The following WDR17 variants were observed in gnomAD, a reference collection of about 807,000 sequenced individuals.
The protein encoded by WDR17 is WD repeat-containing protein 17.
A neutral mutation model predicts 161.7 loss-of-function variants in WDR17; 143 were observed. The observed-to-expected ratio is 0.88, with a 90% CI of 0.77 to 1.02. The LOEUF is 1.02. WDR17 is among the 50% of genes least tolerant of loss of function. WDR17 has a pLI of 0.00. For synonymous variants in WDR17, 517 were observed against 515.6 expected (o/e 1.00, Z -0.04); for missense variants, 1,469 against 1,520.9 (o/e 0.97, Z 0.57).
intron 4 of WDR17, among the ~76,000 whole-genome samples, chr4:176,122,913 A>G (rs1392491962): frequency 1.3e-5 from 2 of 152,196 alleles, no homozygotes; most frequent in Non-Finnish European, 2.9e-5. Flanking sequence ...GGCTTCATAG[A>G]TGATCCAGCT....
At position 176,125,227 on chromosome 4, in the gene WDR17, A is replaced by T. The variant is rs1199869594; in HGVS notation, c.662A>T (p.His221Leu). 1 of 1,614,148 alleles carries T rather than the reference A, an allele frequency of 6.2e-7. No individual in the cohort carries two copies. The highest frequency in any genetic ancestry group is 1.1e-5 in the South Asian group (1 of 91,084). Residue 221 changes from histidine (H) to leucine (L), a missense_variant, in exon 5 of 29, where the codon CAT (histidine) becomes CTT (leucine). Physicochemically the swap from His to Leu is moderately conservative, Grantham distance 99. Coordinates refer to ENST00000508596, the MANE Select transcript of WDR17 (RefSeq NM_181265.4). The stretch of plus-strand genomic sequence containing the variant: ...GATTATCTTCTAGTGGTTAATTTGC[A>T]TTATGGAATTCGCCTGGTAGATTCT... ...STDYLLVVNLHYGIRLVDSES... is the reference protein window; with the variant it reads ...STDYLLVVNLLYGIRLVDSES...
intron 1 of WDR17, among the ~76,000 whole-genome samples, chr4:176,111,055 T>G (rs1739649899): frequency 6.6e-6 from 1 of 152,240 alleles, no homozygotes; most frequent in Admixed American, 6.5e-5. Context: ...GATGAAGAGT[T>G]GATGTAAAAA....
At chr4:176,168,607 A>G in intron 22 of WDR17, 65 bp from the exon 23 acceptor site, 1 of 1,591,054 alleles carries the variant, frequency 6.3e-7, no homozygotes, top group Non-Finnish European at 8.6e-7. Context: ...CTTCTTTGAG[A>G]TAGTTATGAA....
chr4:176,121,924 C>T (rs1278822519), intron 4 of WDR17, among the ~76,000 whole-genome samples: 1 of 152,174 alleles, frequency 6.6e-6, no homozygotes, highest in African/African-American at 2.4e-5. Flanking sequence ...AGTTGTTAAA[C>T]CAAGTGAAAC....
intron 1 of WDR17, among the ~76,000 whole-genome samples, chr4:176,099,066 AG>A (rs1215811908): frequency 6.6e-6 from 1 of 152,150 alleles, no homozygotes; most frequent in Non-Finnish European, 1.5e-5. Flanking sequence ...GCATAAATTT[AG>A]AAGTTTATTT....
chr4:176,089,001 A>C (rs932294376), intron 1 of WDR17, among the ~76,000 whole-genome samples: 1 of 152,202 alleles, frequency 6.6e-6, no homozygotes, highest in Non-Finnish European at 1.5e-5. Flanking sequence ...AAATTGCCCA[A>C]GTGAAGTTAG....
rs756705356 is a variant in WDR17, at chr4:176,131,666, G to A, written c.1026G>A (p.Val342=). Residue 342 remains valine, a synonymous_variant, in exon 7 of 29, where the codon GTG becomes GTA. Transcript: ENST00000508596. ...TTTCTCTTCCTCCTGGTCATGCAGT[G>A]TGTTGTTTCTTGGATGGTGGAGTTG... ...QAFSLPPGHA[V]CCFLDGGVGL... The A allele has an allele frequency of 3.7e-6, 6 of 1,613,712 alleles. No homozygotes were observed. In the South Asian group the frequency reaches 6.6e-5, roughly 18 times the overall value.
At chr4:176,132,549 G>A (rs565676445) in intron 7 of WDR17, among the ~76,000 whole-genome samples, 1 of 152,006 alleles carries the variant, frequency 6.6e-6, no homozygotes, top group East Asian at 1.9e-4. Flanking sequence ...ACTGAAGGGA[G>A]AGAAAGAATC....
chr4:176,073,554 G>T (rs1287502520), intron 1 of WDR17, among the ~76,000 whole-genome samples: 4 of 151,334 alleles, frequency 2.6e-5, no homozygotes, highest in Non-Finnish European at 2.9e-5. Context: ...GAATAGTGCC[G>T]CAATAAACAT....
At chr4:176,174,548 C>A in intron 25 of WDR17, 69 bp from the exon 26 acceptor site, 1 of 1,096,842 alleles carries the variant, frequency 9.1e-7, no homozygotes, top group Non-Finnish European at 1.3e-6. Flanking sequence ...AGTACATGAA[C>A]TGTGTATCAG....
rs946218389 is a variant in WDR17 at position 176,149,606 on chromosome 4, T to C, written c.1898-201T>C. ...TTATTCAATTTTATATTCATATTTA[T>C]AGAATATATAAAATAATTTATTGCA... On this transcript the variant is annotated intron_variant, in intron 13 of 28. Transcript: ENST00000508596. Among the ~76,000 whole-genome samples the C allele has an allele frequency of 5.5e-4, 83 of 152,262 alleles. 1 individual carries two copies. The highest frequency in any genetic ancestry group is 1.9e-3 in the African/African-American group (80 of 41,572).
intron 1 of WDR17, among the ~76,000 whole-genome samples, chr4:176,100,042 CAT>C (rs1390145517): frequency 2.6e-5 from 4 of 152,136 alleles, no homozygotes; most frequent in Non-Finnish European, 5.9e-5. Context: ...CTGCAATAAA[CAT>C]ATGAGTGCAG....
intron 7 of WDR17, 41 bp downstream of exon 7, chr4:176,131,779 TTG>T: frequency 7.1e-7 from 1 of 1,412,014 alleles, no homozygotes; most frequent in Non-Finnish European, 9.4e-7. Context: ...TAATAGTTTT[TTG>T]TGTAAACCCA....
At chr4:176,113,421 G>A (rs571463638) in intron 2 of WDR17, among the ~76,000 whole-genome samples, 10 of 152,080 alleles carry the variant, frequency 6.6e-5, no homozygotes, top group African/African-American at 2.4e-4. Context: ...GGTAAAATTA[G>A]TAATATAAAC....
intron 26 of WDR17, among the ~76,000 whole-genome samples, chr4:176,176,574 G>A (rs73871920): frequency 4.6e-5 from 7 of 152,162 alleles, no homozygotes; most frequent in East Asian, 1.9e-4. Flanking sequence ...CAGGCATAGC[G>A]TACTCTTCAA....
intron 2 of WDR17, among the ~76,000 whole-genome samples, chr4:176,114,577 G>T (rs188805217): frequency 3.4e-3 from 516 of 152,104 alleles, no homozygotes; most frequent in Non-Finnish European, 6.0e-3. Flanking sequence ...TACCAGGATT[G>T]CAACTGTGAA....
chr4:176,180,229 T>C lies in WDR17; in HGVS notation c.*650T>C, dbSNP rs1752018671. On this transcript the variant is annotated 3_prime_UTR_variant, in exon 29 of 29. Coordinates refer to ENST00000508596, the MANE Select transcript of WDR17 (RefSeq NM_181265.4). ...TGTCCCATTGTAAAGGTGTAAGTTA[T>C]ATAGGCTTGAAAAAAATTGGCGGGT... is the stretch of plus-strand genomic sequence containing the variant. 1 of 152,138 alleles carries C rather than the reference T, an allele frequency of 6.6e-6. No homozygotes were observed. Among genetic ancestry groups the C allele is most frequent in the South Asian group, 2.1e-4 (1 of 4,828 alleles). 9.4% of individuals were successfully genotyped at this position (152,138 alleles called of 1,614,324 possible). A position where few individuals can be genotyped will look rare whatever the true frequency, so the allele number is the denominator to read the frequency against.
intron 1 of WDR17, among the ~76,000 whole-genome samples, chr4:176,068,025 A>C (rs993117086): frequency 3.3e-5 from 5 of 152,340 alleles, no homozygotes; most frequent in Middle Eastern, 6.8e-3. Context: ...TTTTCATCCT[A>C]TATTCCAGAA....
rs947519784 is a variant in WDR17, at chr4:176,179,740, T to A, written c.*161T>A. ...TGAATTTTAGTCATTAACTTCAAAA[T>A]ATATATATATATATAATTTAAAGGA... On this transcript the variant is annotated 3_prime_UTR_variant, in exon 29 of 29. Coordinates refer to ENST00000508596, the MANE Select transcript of WDR17 (RefSeq NM_181265.4). 54 of 191,226 alleles carry A rather than the reference T, an allele frequency of 2.8e-4. No individual in the cohort carries two copies. The highest frequency in any genetic ancestry group is 4.6e-4 in the Non-Finnish European group (46 of 100,684). The allele number at this position is 191,226 out of a possible 1,614,324, so 11.8% of individuals were successfully genotyped here. A position where few individuals can be genotyped will look rare whatever the true frequency, so the allele number is the denominator to read the frequency against.
Sources: allele counts gnomAD v4.1 joint callset (sites outside exome capture counted in the v4.1 genomes callset), GRCh38; gene constraint gnomAD v4.1.1; transcripts MANE v1.5; gene names NCBI Gene and HGNC (gene_info 2026-07-23, HGNC 2026-07-21).